The following PKHD1L1 variants were observed in gnomAD, a reference collection of about 807,000 sequenced individuals.
PKHD1L1 encodes PKHD1 like 1.
PKHD1L1 carries 434 observed loss-of-function variants against 462.9 expected under a neutral mutation model. The observed-to-expected ratio is 0.94, with a 90% CI of 0.87 to 1.02. PKHD1L1 has a LOEUF of 1.02. Ranked by LOEUF, PKHD1L1 falls within the 50% of genes least tolerant of loss-of-function variation. PKHD1L1 has a pLI of 0.00. For missense variants in PKHD1L1, 5,202 were observed against 5,096.1 expected (o/e 1.02, Z -0.63); for synonymous variants, 1,781 against 1,750.0 (o/e 1.02, Z -0.44).
chr8:109,379,247 C>T lies in PKHD1L1; in HGVS notation c.164-2123C>T, dbSNP rs115284012. On this transcript the variant is annotated intron_variant, in intron 2 of 77. Transcript: ENST00000378402. ...CTTCTCCCATGGAAAGAACAGAGAT[C>T]GACTGCTACCGGAACTGACCCTCCA... 2.4e-3 allele frequency among the ~76,000 whole-genome samples: 365 copies of T among 152,270 alleles called. 3 individuals carry two copies. Among genetic ancestry groups the T allele is most frequent in the African/African-American group, 8.5e-3 (353 of 41,560 alleles).
chr8:109,393,088 A>G (rs1160973807), intron 9 of PKHD1L1, among the ~76,000 whole-genome samples: 3 of 152,230 alleles, frequency 2.0e-5, no homozygotes, highest in African/African-American at 7.2e-5. Context: ...CAGACACAGT[A>G]TCGCTGGAGC....
At chr8:109,496,428 A>G (rs1216091500) in intron 63 of PKHD1L1, among the ~76,000 whole-genome samples, 1 of 152,214 alleles carries the variant, frequency 6.6e-6, no homozygotes, top group Non-Finnish European at 1.5e-5. Flanking sequence ...TTTCACAGAC[A>G]GTAAGCTCTA....
At position 109,413,431 on chromosome 8, in the gene PKHD1L1, C is replaced by T. The variant is rs757843338; in HGVS notation, c.2246C>T (p.Ala749Val). The change falls in exon 21 of 78, where the codon GCA (alanine) becomes GTA (valine). Residue 749 changes from alanine to valine, a missense_variant. This residue lies in a region of PKHD1L1 where 4,497 missense variants were observed against 4,336.8 expected (regional missense o/e 1.04). Transcript: ENST00000378402. ...LLFPYNQLCL[A>V]YKGFLANYIG... The stretch of plus-strand genomic sequence containing the variant: ...CATATTTTTATGTAGTTATGTTTAG[C>T]ATACAAAGGATTCCTGGCAAATTAT... 2.0e-6 allele frequency: 3 copies of T among 1,534,696 alleles called. No homozygotes were observed. The highest frequency in any genetic ancestry group is 4.6e-5 in the East Asian group (2 of 43,300).
At chr8:109,383,145 T>TAATATATA (rs1563723712) in intron 4 of PKHD1L1, among the ~76,000 whole-genome samples, 5 of 71,758 alleles carry the variant, frequency 7.0e-5, no homozygotes, top group African/African-American at 3.0e-4. Flanking sequence ...TTATTGTATA[T>TAATATATA]ATTATATATA....
rs775790879 is a variant in PKHD1L1, at chr8:109,394,434, G to A, written c.760G>A (p.Ala254Thr). 22 of 1,518,896 alleles carry A rather than the reference G, an allele frequency of 1.4e-5. No homozygotes were observed. Among genetic ancestry groups the A allele is most frequent in the Middle Eastern group, 1.7e-4 (1 of 5,806 alleles). The allele number at this position is 1,518,896 out of a possible 1,614,324, so 94.1% of individuals were successfully genotyped here. ...DYGRSFPQKM[A>T]YFVSSLNKIA... ...TAACAGGAGTTTTCCACAGAAAATGGCATATTTTGTTTCTTCTCTCAATAA... is the reference window on the plus strand; with the variant it reads ...TAACAGGAGTTTTCCACAGAAAATGACATATTTTGTTTCTTCTCTCAATAA... Residue 254 changes from alanine (A) to threonine (T), a missense_variant, in exon 10 of 78, where the codon GCA (alanine) becomes ACA (threonine). Transcript: ENST00000378402.
intron 28 of PKHD1L1, among the ~76,000 whole-genome samples, chr8:109,434,847 A>C (rs777820177): frequency 2.0e-5 from 3 of 152,044 alleles, no homozygotes; most frequent in African/African-American, 7.3e-5. Context: ...TTGACCAAAA[A>C]TTTTAGAATT....
Position 109,429,418 on chromosome 8 carries a change from C to A in PKHD1L1, c.3079C>A (p.His1027Asn). The A allele has an allele frequency of 6.2e-7, 1 of 1,606,526 alleles. No homozygotes were observed. Among genetic ancestry groups the A allele is most frequent in the Non-Finnish European group, 8.5e-7 (1 of 1,175,676 alleles). ...AAAGGAAGGTGGCTTATTCAGACAA[C>A]ATGTACTTGGAGACCTACTTCGTAC... The part of the protein sequence containing the change: ...RIKEGGLFRQ[H>N]VLGDLLRTPS... The change falls in exon 26 of 78, where the codon CAT (histidine) becomes AAT (asparagine). Residue 1027 changes from histidine (H) to asparagine (N), a missense_variant. Transcript: ENST00000378402.
At position 109,404,466 on chromosome 8, in the gene PKHD1L1, A is replaced by G. The variant is rs1813425009; in HGVS notation, c.1374-88A>G. Reference sequence around the variant, plus strand: ...AAGTCATTTAACAGGCAGGCTTTTAAGATAATATTGATATTTTATTCATTA... The same window carrying G: ...AAGTCATTTAACAGGCAGGCTTTTAGGATAATATTGATATTTTATTCATTA... On this transcript the variant is annotated intron_variant, in intron 14 of 77. Coordinates refer to ENST00000378402, the MANE Select transcript of PKHD1L1 (RefSeq NM_177531.6). 5 of 745,300 alleles carry G rather than the reference A, an allele frequency of 6.7e-6. No homozygotes were observed. In the Admixed American group the frequency reaches 1.6e-4, roughly 23 times the overall value. 46.2% of individuals were successfully genotyped at this position (745,300 alleles called of 1,614,324 possible).
chr8:109,384,574 T>C (rs538266751), intron 5 of PKHD1L1, among the ~76,000 whole-genome samples: 12 of 152,218 alleles, frequency 7.9e-5, no homozygotes, highest in African/African-American at 2.6e-4. Flanking sequence ...TGATTTTCAA[T>C]GGCTATATCT....
Position 109,429,347 on chromosome 8 carries a change from A to G in PKHD1L1, c.3008A>G (p.Asp1003Gly), listed in dbSNP as rs373452393. The change falls in exon 26 of 78, where the codon GAT becomes GGT. Residue 1003 changes from aspartate to glycine, a missense_variant. Asp to Gly is a moderately conservative substitution (Grantham distance 94). Around this residue, in one of 3 missense-constraint regions of PKHD1L1, gnomAD observed 4,497 missense variants for 4,336.8 expected, o/e 1.04. Transcript: ENST00000378402. ...CGKQNLLQIN[D>G]SNIIGEKANM... ...AATTGTGTGTAAAAATAGATTAATG[A>G]TTCCAACATTATTGGAGAAAAGGCT... 12 of 1,512,348 alleles carry G rather than the reference A, an allele frequency of 7.9e-6. No homozygotes were observed. Among genetic ancestry groups the G allele is most frequent in the Non-Finnish European group, 1.1e-5 (12 of 1,105,338 alleles). 93.7% of individuals were successfully genotyped at this position (1,512,348 alleles called of 1,614,324 possible). A position where few individuals can be genotyped will look rare whatever the true frequency, so the allele number is the denominator to read the frequency against.
chr8:109,442,802 T>C lies in PKHD1L1; in HGVS notation c.4394-144T>C, dbSNP rs572024932. 1.3e-4 allele frequency: 96 copies of C among 727,490 alleles called. No individual in the cohort carries two copies. The African/African-American group carries it at 1.5e-3, about 11-fold the overall frequency. 45.1% of individuals were successfully genotyped at this position (727,490 alleles called of 1,614,324 possible). A position where few individuals can be genotyped will look rare whatever the true frequency, so the allele number is the denominator to read the frequency against. On this transcript the variant is annotated intron_variant, in intron 35 of 77. Transcript: ENST00000378402. ...TTTAATAGCGAGTTTTCTTACTACA[T>C]TCTGTTGACATTTCATACACATGAA...
intron 1 of PKHD1L1, among the ~76,000 whole-genome samples, chr8:109,364,193 G>A (rs535267586): frequency 6.6e-6 from 1 of 152,232 alleles, no homozygotes; most frequent in Admixed American, 6.5e-5. Flanking sequence ...TCTGCTGTTA[G>A]GTGAGCTGTT....
intron 63 of PKHD1L1, among the ~76,000 whole-genome samples, chr8:109,496,586 A>G (rs1169976704): frequency 2.0e-5 from 3 of 152,224 alleles, no homozygotes; most frequent in African/African-American, 7.2e-5. Flanking sequence ...GACTAGTTAG[A>G]CAAAAGTAAA....
At position 109,493,665 on chromosome 8, in the gene PKHD1L1, A is replaced by G; in HGVS notation, c.10241A>G (p.Asn3414Ser). Residue 3414 changes from asparagine (N) to serine (S), a missense_variant, in exon 63 of 78, where the codon AAT (asparagine) becomes AGT (serine). This residue lies in a region of PKHD1L1 where 4,497 missense variants were observed against 4,336.8 expected (regional missense o/e 1.04). Transcript: ENST00000378402. ...TTTTTTTAATCATTGCACTAGATAA[A>G]TAGAGGGACCAATACAGTTTTACAG... ...STLWHAAIEINRGTNTVLQNN... is the reference protein window; with the variant it reads ...STLWHAAIEISRGTNTVLQNN... 6.3e-7 allele frequency: 1 copy of G among 1,596,270 alleles called. No individual in the cohort carries two copies. The highest frequency in any genetic ancestry group is 8.5e-7 in the Non-Finnish European group (1 of 1,170,160).
chr8:109,463,302 T>G (rs1159604610), intron 48 of PKHD1L1, among the ~76,000 whole-genome samples: 1 of 152,060 alleles, frequency 6.6e-6, no homozygotes, highest in Non-Finnish European at 1.5e-5. Context: ...GAGGAAGGGA[T>G]AATAAAATCC....
chr8:109,412,462 G>T, intron 20 of PKHD1L1, 48 bp downstream of exon 20: 1 of 1,490,636 alleles, frequency 6.7e-7, no homozygotes, highest in Non-Finnish European at 9.0e-7. Context: ...AAATACCTTG[G>T]TAATAAAATT....
chr8:109,450,612 G>C (rs917721658), intron 40 of PKHD1L1, among the ~76,000 whole-genome samples: 3 of 152,124 alleles, frequency 2.0e-5, no homozygotes, highest in African/African-American at 7.2e-5. Flanking sequence ...GCCTTCAGCT[G>C]TCACTCCTTG....
At chr8:109,372,987 C>T (rs1319434755) in intron 2 of PKHD1L1, among the ~76,000 whole-genome samples, 1 of 151,978 alleles carries the variant, frequency 6.6e-6, no homozygotes, top group Non-Finnish European at 1.5e-5. Flanking sequence ...GCATCTCTGC[C>T]CAGCTTTGGT....
rs373552278 is a variant in PKHD1L1 at position 109,449,353 on chromosome 8, G to A, written c.6041G>A (p.Gly2014Asp). ...INPSQGSFGGGQTMTVTGTGF... is the reference protein window; with the variant it reads ...INPSQGSFGGDQTMTVTGTGF... ...TCTTCACTAGGGAGCTTTGGTGGGG[G>A]TCAAACCATGACTGTGACAGGCACC... The change falls in exon 40 of 78, where the codon GGT (glycine) becomes GAT (aspartate). Residue 2014 changes from glycine (G) to aspartate (D), a missense_variant. This residue lies in a region of PKHD1L1 where 4,497 missense variants were observed against 4,336.8 expected (regional missense o/e 1.04). Transcript: ENST00000378402. 102 of 1,574,464 alleles carry A rather than the reference G, an allele frequency of 6.5e-5. No individual in the cohort carries two copies. In the African/African-American group the frequency reaches 1.3e-3, roughly 20 times the overall value.
Sources: gnomAD v4.1 joint callset for allele counts (sites outside exome capture counted in the v4.1 genomes callset) on GRCh38, gnomAD v4.1.1 for gene constraint, gnomAD v4.1.1 regional missense constraint, MANE v1.5 for transcripts, NCBI Gene and HGNC (gene_info 2026-07-23, HGNC 2026-07-21) for gene names.